Variants in RBFOX1 observed in about 807,000 individuals in gnomAD.
The protein encoded by RBFOX1 is RNA binding fox-1 homolog 1, also known as RNA binding protein fox-1 homolog 1.
A neutral mutation model predicts 57.7 loss-of-function variants in RBFOX1; 8 were observed. That is an observed-to-expected ratio of 0.14 (90% CI 0.08 to 0.25). The LOEUF is 0.25. RBFOX1 is among the 10% of genes least tolerant of loss of function. The pLI is 1.00. For missense variants in RBFOX1, 611 were observed against 548.5 expected (o/e 1.11, Z -1.14); for synonymous variants, 326 against 222.4 (o/e 1.47, Z -4.15).
intron 1 of RBFOX1, among the ~76,000 whole-genome samples, chr16:5,312,757 C>T (rs1327809707): frequency 6.6e-6 from 1 of 152,166 alleles, no homozygotes; most frequent in Non-Finnish European, 1.5e-5. Flanking sequence ...CACTCATCAC[C>T]TATAGTGGCT....
intron 1 of RBFOX1, among the ~76,000 whole-genome samples, chr16:6,035,338 C>G (rs559088010): frequency 2.0e-5 from 3 of 152,208 alleles, no homozygotes; most frequent in Admixed American, 2.0e-4. Flanking sequence ...TAGTTCTTCC[C>G]CAAGGATGGA....
chr16:7,387,744 C>T (rs1050905242), intron 4 of RBFOX1, among the ~76,000 whole-genome samples: 1 of 152,134 alleles, frequency 6.6e-6, no homozygotes, highest in Admixed American at 6.5e-5. Context: ...AACTCCAGGC[C>T]TCCCCACAAT....
chr16:5,809,546 T>C (rs1356156968), intron 3 of RBFOX1, among the ~76,000 whole-genome samples: 2 of 152,130 alleles, frequency 1.3e-5, no homozygotes, highest in African/African-American at 4.8e-5. Flanking sequence ...AAGAAGACAT[T>C]TATGCAGCCA....
intron 2 of RBFOX1, among the ~76,000 whole-genome samples, chr16:5,469,064 C>G (rs1255418648): frequency 6.6e-6 from 1 of 152,180 alleles, no homozygotes; most frequent in East Asian, 1.9e-4. Flanking sequence ...TGGATCTGAC[C>G]AGTAGAGGTT....
intron 2 of RBFOX1, among the ~76,000 whole-genome samples, chr16:5,587,791 AC>A (rs1374802997): frequency 6.6e-6 from 1 of 152,200 alleles, no homozygotes; most frequent in Non-Finnish European, 1.5e-5. Context: ...ACTTGAGAAA[AC>A]AGCCAGAGAG....
chr16:7,446,059 G>C (rs1299209734), intron 4 of RBFOX1, among the ~76,000 whole-genome samples: 1 of 152,152 alleles, frequency 6.6e-6, no homozygotes, highest in Non-Finnish European at 1.5e-5. Flanking sequence ...TTGCTCCCCT[G>C]CTACTCCATC....
At chr16:7,436,237 T>C (rs2098720392) in intron 4 of RBFOX1, among the ~76,000 whole-genome samples, 1 of 152,212 alleles carries the variant, frequency 6.6e-6, no homozygotes, top group Admixed American at 6.5e-5. Flanking sequence ...ATTTTTCTAT[T>C]TGACAATGAA....
At chr16:7,407,867 C>G (rs997738750) in intron 4 of RBFOX1, among the ~76,000 whole-genome samples, 5 of 152,118 alleles carry the variant, frequency 3.3e-5, no homozygotes, top group Non-Finnish European at 7.3e-5. Flanking sequence ...GGCCTGCGGA[C>G]TATTTTCCTA....
intron 3 of RBFOX1, among the ~76,000 whole-genome samples, chr16:6,741,240 C>T (rs1011504879): frequency 1.2e-4 from 18 of 152,020 alleles, no homozygotes; most frequent in South Asian, 6.2e-4. Context: ...CAAAATGGAT[C>T]GTAGGTTAAA....
At chr16:5,568,078 C>T (rs1304133551) in intron 2 of RBFOX1, among the ~76,000 whole-genome samples, 1 of 152,224 alleles carries the variant, frequency 6.6e-6, no homozygotes, top group Non-Finnish European at 1.5e-5. Flanking sequence ...TGATCCCATC[C>T]TTCTCTAGCT....
chr16:6,132,511 T>C (rs1374964188), intron 1 of RBFOX1, among the ~76,000 whole-genome samples: 4 of 152,198 alleles, frequency 2.6e-5, no homozygotes, highest in African/African-American at 4.8e-5. Context: ...CTTGTTAGTA[T>C]GGTATAGCCT....
chr16:6,107,871 T>C (rs2096401284), intron 1 of RBFOX1, among the ~76,000 whole-genome samples: 1 of 152,198 alleles, frequency 6.6e-6, no homozygotes, highest in African/African-American at 2.4e-5. Context: ...ATTCTATTAA[T>C]TTATGCTTCC....
intron 4 of RBFOX1, among the ~76,000 whole-genome samples, chr16:5,920,564 C>A (rs1177035872): frequency 6.6e-6 from 1 of 152,090 alleles, no homozygotes; most frequent in Non-Finnish European, 1.5e-5. Context: ...GACCTGGCTC[C>A]CTAGTCTCAA....
intron 3 of RBFOX1, among the ~76,000 whole-genome samples, chr16:6,831,863 A>C (rs932329604): frequency 1.3e-5 from 2 of 152,172 alleles, no homozygotes; most frequent in Non-Finnish European, 2.9e-5. Flanking sequence ...AGGGAGCATC[A>C]TTTATGCAGT....
chr16:5,350,228 A>T (rs1354022239), intron 1 of RBFOX1, among the ~76,000 whole-genome samples: 5 of 152,194 alleles, frequency 3.3e-5, no homozygotes, highest in Non-Finnish European at 7.3e-5. Flanking sequence ...CCCCTTTGCC[A>T]TGAGAAACTC....
Position 7,419,845 on chromosome 16 carries a change from T to G in RBFOX1, c.28-98302T>G, listed in dbSNP as rs891940297. ...ATGCCTAATGGAGGCATGTCCTTTT[T>G]TTTCTTTTCTCCACTAATTATACCA... is the stretch of plus-strand genomic sequence containing the variant. On this transcript the variant is annotated intron_variant, in intron 4 of 15. Transcript: ENST00000550418. Among the ~76,000 whole-genome samples, 18 of 152,258 alleles carry G rather than the reference T, an allele frequency of 1.2e-4. No homozygotes were observed. In the South Asian group the frequency reaches 2.5e-3, roughly 21 times the overall value.
intron 1 of RBFOX1, among the ~76,000 whole-genome samples, chr16:5,413,210 A>T (rs949389584): frequency 1.3e-5 from 2 of 152,138 alleles, no homozygotes; most frequent in East Asian, 1.9e-4. Flanking sequence ...CTAAGAAAAA[A>T]AACCTGGCAT....
intron 2 of RBFOX1, among the ~76,000 whole-genome samples, chr16:5,546,956 T>C (rs2045232565): frequency 6.6e-6 from 1 of 152,176 alleles, no homozygotes; most frequent in Non-Finnish European, 1.5e-5. Context: ...TGAACAGACA[T>C]TTTACCAAAT....
chr16:6,262,108 G>A (rs2097705046), intron 1 of RBFOX1, among the ~76,000 whole-genome samples: 1 of 152,090 alleles, frequency 6.6e-6, no homozygotes, highest in Non-Finnish European at 1.5e-5. Context: ...AAAGACAGAG[G>A]TGCAGAGACT....
Sources: gnomAD v4.1 joint callset for allele counts (sites outside exome capture counted in the v4.1 genomes callset) on GRCh38, gnomAD v4.1.1 for gene constraint, MANE v1.5 for transcripts, NCBI Gene and HGNC (gene_info 2026-07-23, HGNC 2026-07-21) for gene names.